The following MYRIP variants were observed in gnomAD, a reference collection of about 807,000 sequenced individuals.
The protein encoded by MYRIP is rab effector MyRIP.
In MYRIP, 49 loss-of-function variants were observed where a neutral mutation model predicts 98.0. The observed-to-expected ratio is 0.50, with a 90% CI of 0.40 to 0.63. The LOEUF (loss-of-function observed/expected upper bound fraction) is 0.63. Among genes scored for constraint, MYRIP ranks in the 30% least tolerant of loss-of-function variants. MYRIP has a pLI of 0.00. For synonymous variants in MYRIP, 404 were observed against 409.5 expected, an observed-to-expected ratio of 0.99 and a Z score of 0.16; for missense variants, 1,004 against 1,058.2, an observed-to-expected ratio of 0.95 and a Z score of 0.71.
intron 2 of MYRIP, among the ~76,000 whole-genome samples, chr3:39,949,213 G>T (rs1187093007): frequency 6.6e-6 from 1 of 152,122 alleles, no homozygotes; most frequent in Non-Finnish European, 1.5e-5. Context: ...AGAAGAAGAG[G>T]TTCCTTTTCC....
intron 2 of MYRIP, among the ~76,000 whole-genome samples, chr3:39,929,766 A>T (rs2125698730): frequency 6.6e-6 from 1 of 152,044 alleles, no homozygotes; most frequent in Non-Finnish European, 1.5e-5. Context: ...TCATTAATAT[A>T]CTTTTTTTTG....
At chr3:39,935,921 A>G (rs532927939) in intron 2 of MYRIP, among the ~76,000 whole-genome samples, 9 of 152,044 alleles carry the variant, frequency 5.9e-5, no homozygotes, top group Non-Finnish European at 1.3e-4. Context: ...GGCATGATAT[A>G]CTTTATACAA....
At chr3:39,815,419 A>T (rs1299233258) in intron 1 of MYRIP, among the ~76,000 whole-genome samples, 7 of 151,678 alleles carry the variant, frequency 4.6e-5, no homozygotes, top group Non-Finnish European at 1.0e-4. Context: ...GTGTGTATGT[A>T]TGTATATATA....
At chr3:39,918,107 T>C (rs1440483726) in intron 2 of MYRIP, among the ~76,000 whole-genome samples, 1 of 152,102 alleles carries the variant, frequency 6.6e-6, no homozygotes, top group Non-Finnish European at 1.5e-5. Flanking sequence ...TTTGTATTTT[T>C]AGTAGAGACG....
At chr3:39,882,547 T>G (rs1324648270) in intron 1 of MYRIP, among the ~76,000 whole-genome samples, 1 of 152,154 alleles carries the variant, frequency 6.6e-6, no homozygotes, top group East Asian at 1.9e-4. Flanking sequence ...TAATATGACT[T>G]TGAATAATTT....
intron 10 of MYRIP, chr3:40,209,390 T>C (rs1951861492): frequency 6.5e-6 from 1 of 154,224 alleles, no homozygotes; most frequent in Admixed American, 6.4e-5. Flanking sequence ...TTAATTATCC[T>C]GATTTGATCA....
At chr3:40,130,113 C>T (rs1383611740) in intron 3 of MYRIP, among the ~76,000 whole-genome samples, 1 of 152,076 alleles carries the variant, frequency 6.6e-6, no homozygotes, top group Non-Finnish European at 1.5e-5. Context: ...GAAGCCAAAG[C>T]CCTAATTTGC....
chr3:40,071,534 TTGA>T (rs1172964017), intron 3 of MYRIP, among the ~76,000 whole-genome samples: 1 of 151,362 alleles, frequency 6.6e-6, no homozygotes, highest in Non-Finnish European at 1.5e-5. Context: ...AAGGGAGCAA[TTGA>T]TGATTGGGGC....
At chr3:40,005,124 C>G (rs1260718476) in intron 2 of MYRIP, among the ~76,000 whole-genome samples, 1 of 152,204 alleles carries the variant, frequency 6.6e-6, no homozygotes. Context: ...TTTTTTATGG[C>G]TGAATAGTAT....
chr3:40,111,225 T>G (rs905552814), intron 3 of MYRIP, among the ~76,000 whole-genome samples: 4 of 152,174 alleles, frequency 2.6e-5, no homozygotes, highest in Non-Finnish European at 5.9e-5. Context: ...GGAAGTTGTT[T>G]AGCAGAATGG....
Position 40,234,001 on chromosome 3 carries a change from G to A in MYRIP, c.2048G>A (p.Arg683His), listed in dbSNP as rs201322608. The A allele has an allele frequency of 6.4e-5, 103 of 1,613,238 alleles. No homozygotes were observed. Among genetic ancestry groups the A allele is most frequent in the Admixed American group, 8.4e-5 (5 of 59,850 alleles). The change falls in exon 12 of 17, where the codon CGT becomes CAT. Residue 683 changes from arginine to histidine, a missense_variant. Coordinates refer to ENST00000302541, the MANE Select transcript of MYRIP (RefSeq NM_015460.4). ...GACAGACAGAAGGGGATGTTTCCTC[G>A]TGGGACAGACCAAGTGAGACTGGAT... ...PPDRQKGMFP[R>H]GTDQVRLDEQ...
intron 3 of MYRIP, among the ~76,000 whole-genome samples, chr3:40,094,915 T>C (rs1948797165): frequency 6.6e-6 from 1 of 152,136 alleles, no homozygotes; most frequent in Admixed American, 6.6e-5. Flanking sequence ...GGCCCCTCTG[T>C]GTCTCAGCCA....
intron 16 of MYRIP, among the ~76,000 whole-genome samples, chr3:40,257,697 C>CAAAG (rs1197599996): frequency 6.6e-6 from 1 of 152,104 alleles, no homozygotes; most frequent in African/African-American, 2.4e-5. Context: ...TGCAAAATTA[C>CAAAG]AAAGATTTTC....
At chr3:39,907,327 G>A (rs1302102444) in intron 2 of MYRIP, among the ~76,000 whole-genome samples, 1 of 152,168 alleles carries the variant, frequency 6.6e-6, no homozygotes, top group Non-Finnish European at 1.5e-5. Flanking sequence ...GAGATAAACA[G>A]TGCTCACCAA....
At chr3:40,183,757 T>C (rs1333238336) in intron 9 of MYRIP, among the ~76,000 whole-genome samples, 1 of 152,210 alleles carries the variant, frequency 6.6e-6, no homozygotes, top group African/African-American at 2.4e-5. Context: ...TCGTATCAGA[T>C]TTAGACCCCT....
chr3:39,887,522 G>A (rs538567121), intron 1 of MYRIP, among the ~76,000 whole-genome samples: 4 of 152,174 alleles, frequency 2.6e-5, no homozygotes, highest in East Asian at 3.9e-4. Flanking sequence ...TTGATGGGAC[G>A]TATTTCAAAA....
At chr3:40,158,734 C>T (rs895757870) in intron 4 of MYRIP, among the ~76,000 whole-genome samples, 2 of 151,436 alleles carry the variant, frequency 1.3e-5, no homozygotes, top group African/African-American at 4.9e-5. Context: ...TGAATTGATC[C>T]CTTTACCATT....
chr3:39,860,733 A>G (rs1379124845), intron 1 of MYRIP, among the ~76,000 whole-genome samples: 1 of 152,110 alleles, frequency 6.6e-6, no homozygotes, highest in Non-Finnish European at 1.5e-5. Flanking sequence ...AGCCTCCTCC[A>G]TGCTGCATTG....
chr3:40,021,191 G>A (rs1035855407), intron 2 of MYRIP, among the ~76,000 whole-genome samples: 1 of 152,142 alleles, frequency 6.6e-6, no homozygotes, highest in Non-Finnish European at 1.5e-5. Context: ...CATTCTGTAG[G>A]ATTTTTTGAT....
Sources: gnomAD v4.1 joint callset for allele counts (sites outside exome capture counted in the v4.1 genomes callset) on GRCh38, gnomAD v4.1.1 for gene constraint, MANE v1.5 for transcripts, NCBI Gene and HGNC (gene_info 2026-07-23, HGNC 2026-07-21) for gene names.